Variants in CAMK2D observed in about 807,000 individuals in gnomAD.
CAMK2D encodes the protein calcium/calmodulin-dependent protein kinase type II subunit delta.
In CAMK2D, 37 loss-of-function variants were observed where a neutral mutation model predicts 84.0. That is an observed-to-expected ratio of 0.44 (90% confidence interval 0.34 to 0.58). The LOEUF is 0.58. Ranked by LOEUF, CAMK2D falls within the 20% of genes least tolerant of loss-of-function variation. CAMK2D has a pLI of 0.02. For missense variants in CAMK2D, 448 were observed against 652.5 expected (o/e 0.69, Z 3.41); for synonymous variants, 202 against 212.5 (o/e 0.95, Z 0.43).
chr4:113,469,677 A>G (rs747670457), intron 16 of CAMK2D, among the ~76,000 whole-genome samples: 8 of 152,130 alleles, frequency 5.3e-5, no homozygotes, highest in Non-Finnish European at 1.0e-4. Flanking sequence ...CATATACTGA[A>G]CTGAGCTTAA....
At chr4:113,457,754 T>C (rs1374456059) in intron 18 of CAMK2D, among the ~76,000 whole-genome samples, 191 bp from the exon 19 acceptor site, 1 of 152,232 alleles carries the variant, frequency 6.6e-6, no homozygotes, top group African/African-American at 2.4e-5. Context: ...TGAAAGTGGA[T>C]ACAGTCTTTA....
chr4:113,509,637 C>T lies in CAMK2D; in HGVS notation c.984+1G>A, dbSNP rs148603207. The T allele has an allele frequency of 6.3e-7, 1 of 1,598,834 alleles. No individual in the cohort carries two copies. Among genetic ancestry groups the T allele is most frequent in the Non-Finnish European group, 8.6e-7 (1 of 1,166,108 alleles). Reference sequence around the variant, plus strand: ...GGATTAGGGGCATCTGTTTAACTTACCTTTACTCCATCTGGTTTCTTCAAC... The same window carrying T: ...GGATTAGGGGCATCTGTTTAACTTATCTTTACTCCATCTGGTTTCTTCAAC... On this transcript the variant is annotated splice_donor_variant, in intron 13 of 20. Coordinates refer to ENST00000511664, the MANE Select transcript of CAMK2D (RefSeq NM_001321571.2). LOFTEE classifies it high-confidence loss of function.
At chr4:113,688,910 C>CAAAAAAAAAA (rs34196728) in intron 2 of CAMK2D, among the ~76,000 whole-genome samples, 4 of 49,708 alleles carry the variant, frequency 8.0e-5, no homozygotes, top group Non-Finnish European at 1.5e-4. Flanking sequence ...AAAGAAGATG[C>CAAAAAAAAAA]AAAAAAAAAA....
intron 2 of CAMK2D, among the ~76,000 whole-genome samples, chr4:113,697,099 A>G (rs2099405212): frequency 2.6e-5 from 4 of 152,086 alleles, no homozygotes. Flanking sequence ...GTCGTACTGG[A>G]AGAGGGTCTC....
chr4:113,760,962 A>G, intron 1 of CAMK2D, 42 bp downstream of exon 1: 1 of 1,613,688 alleles, frequency 6.2e-7, no homozygotes, highest in Non-Finnish European at 8.5e-7. Context: ...ACCCGCCCTC[A>G]GCTGGAAAGG....
intron 3 of CAMK2D, among the ~76,000 whole-genome samples, chr4:113,660,515 T>C (rs1304984647): frequency 2.0e-5 from 3 of 152,086 alleles, no homozygotes; most frequent in South Asian, 4.1e-4. Flanking sequence ...TTAGCCTCTC[T>C]AGTACCTGGG....
In CAMK2D at chr4:113,661,760, A is replaced by T; in HGVS notation, c.173T>A (p.Leu58Gln). The T allele has an allele frequency of 6.7e-7, 1 of 1,487,498 alleles. No homozygotes were observed. Among genetic ancestry groups the T allele is most frequent in the Non-Finnish European group, 9.1e-7 (1 of 1,096,826 alleles). 92.1% of individuals were successfully genotyped at this position (1,487,498 alleles called of 1,614,324 possible). ...ACGGCAGATTCTAGCTTCTCTTTCT[A>T]GTTTCTGATGATCTGTTAAAAAAAA... ...KKLSARDHQK[L>Q]EREARICRLL... Residue 58 changes from leucine to glutamine, a missense_variant, in exon 3 of 21, where the codon CTA (leucine) becomes CAA (glutamine). Around this residue, in one of 7 missense-constraint regions of CAMK2D, gnomAD observed 46 missense variants for 46.3 expected, o/e 0.99. Coordinates refer to ENST00000511664, the MANE Select transcript of CAMK2D (RefSeq NM_001321571.2).
rs572315543 is a variant in CAMK2D at position 113,537,554 on chromosome 4, T to C, written c.415-111A>G. On this transcript the variant is annotated intron_variant, in intron 6 of 20. Transcript: ENST00000511664. ...GGGGGAAAAAATTCATGCACTGTCA[T>C]CTTTCCTGGAGACTGCCATTCCTAA... 4.6e-5 allele frequency: 30 copies of C among 653,906 alleles called. No homozygotes were observed. In the East Asian group the frequency reaches 8.1e-4, roughly 18 times the overall value. The allele number at this position is 653,906 out of a possible 1,614,324, so 40.5% of individuals were successfully genotyped here. A position where few individuals can be genotyped will look rare whatever the true frequency, so the allele number is the denominator to read the frequency against.
intron 4 of CAMK2D, among the ~76,000 whole-genome samples, chr4:113,587,226 C>T (rs1561174117): frequency 6.6e-6 from 1 of 152,134 alleles, no homozygotes. Context: ...GTCAATGAGA[C>T]AATGTGTATA....
At chr4:113,750,293 A>G (rs1306819249) in intron 2 of CAMK2D, among the ~76,000 whole-genome samples, 1 of 152,172 alleles carries the variant, frequency 6.6e-6, no homozygotes, top group Non-Finnish European at 1.5e-5. Flanking sequence ...CTGCAACAGT[A>G]CCAGGTGTAC....
chr4:113,578,149 C>T (rs568620825), intron 4 of CAMK2D, among the ~76,000 whole-genome samples: 1 of 152,212 alleles, frequency 6.6e-6, no homozygotes, highest in South Asian at 2.1e-4. Flanking sequence ...TATTCTGTTC[C>T]CAAGGAACAG....
At chr4:113,484,315 A>C (rs1372605321) in intron 16 of CAMK2D, among the ~76,000 whole-genome samples, 1 of 152,174 alleles carries the variant, frequency 6.6e-6, no homozygotes, top group African/African-American at 2.4e-5. Flanking sequence ...GAATAGCTTT[A>C]AAATGTCTCT....
chr4:113,723,056 A>G (rs1399768813), intron 2 of CAMK2D, among the ~76,000 whole-genome samples: 2 of 152,122 alleles, frequency 1.3e-5, no homozygotes, highest in Non-Finnish European at 2.9e-5. Flanking sequence ...AAATAATACT[A>G]TAACTCTTAA....
intron 6 of CAMK2D, among the ~76,000 whole-genome samples, chr4:113,540,554 G>C (rs2098523735): frequency 6.6e-6 from 1 of 152,056 alleles, no homozygotes; most frequent in African/African-American, 2.4e-5. Flanking sequence ...ATATGGACTT[G>C]GGCAACTCAC....
chr4:113,542,276 C>A (rs535970327), intron 6 of CAMK2D, among the ~76,000 whole-genome samples: 2 of 152,248 alleles, frequency 1.3e-5, no homozygotes, highest in Non-Finnish European at 2.9e-5. Context: ...TACTTTGTTT[C>A]AAAAATATCT....
intron 2 of CAMK2D, among the ~76,000 whole-genome samples, chr4:113,720,117 T>C (rs1485424839): frequency 6.6e-6 from 1 of 152,074 alleles, no homozygotes; most frequent in East Asian, 1.9e-4. Context: ...CGAGTTGCTA[T>C]CAACAGTTCT....
chr4:113,509,874 G>A (rs1261556281), intron 12 of CAMK2D, among the ~76,000 whole-genome samples, 199 bp from the exon 13 acceptor site: 1 of 152,192 alleles, frequency 6.6e-6, no homozygotes, highest in African/African-American at 2.4e-5. Flanking sequence ...GTTTGCCACA[G>A]CAAATTTAGA....
chr4:113,527,442 A>C (rs963102679), intron 8 of CAMK2D, among the ~76,000 whole-genome samples: 2 of 152,070 alleles, frequency 1.3e-5, no homozygotes, highest in African/African-American at 4.8e-5. Context: ...GCATTTAGAC[A>C]TAATGCTATC....
intron 6 of CAMK2D, among the ~76,000 whole-genome samples, chr4:113,538,604 A>G (rs1282851556): frequency 6.6e-6 from 1 of 152,218 alleles, no homozygotes; most frequent in Non-Finnish European, 1.5e-5. Flanking sequence ...CATTTTGTTT[A>G]TATGTTAATA....
Sources: gnomAD v4.1 joint callset for allele counts (sites outside exome capture counted in the v4.1 genomes callset) on GRCh38, gnomAD v4.1.1 for gene constraint, gnomAD v4.1.1 regional missense constraint, MANE v1.5 for transcripts, NCBI Gene and HGNC (gene_info 2026-07-23, HGNC 2026-07-21) for gene names.